Variants in HERC5 observed in about 807,000 individuals in gnomAD.
The protein encoded by HERC5 is E3 ISG15--protein ligase HERC5.
HERC5 carries 99 observed loss-of-function variants against 119.6 expected under a neutral mutation model. The ratio of observed to expected loss-of-function variants is 0.83; its 90% CI spans 0.70 to 0.98. The LOEUF is 0.98. HERC5 is among the 50% of genes least tolerant of loss of function. The probability of loss-of-function intolerance (pLI) is 0.00; values close to 1 mark genes in which losing one functional copy is unlikely to be tolerated. For synonymous variants in HERC5, 478 were observed against 445.9 expected (o/e 1.07, Z -0.91); for missense variants, 1,267 against 1,241.3 (o/e 1.02, Z -0.31).
At chr4:88,477,620 A>G (rs1439458266) in intron 12 of HERC5, among the ~76,000 whole-genome samples, 3 of 149,246 alleles carry the variant, frequency 2.0e-5, no homozygotes, top group African/African-American at 7.4e-5. Flanking sequence ...GAAGGAAGGA[A>G]TGAAGGAGGA....
At chr4:88,474,601 T>C (rs1740991935) in intron 11 of HERC5, among the ~76,000 whole-genome samples, 2 of 152,198 alleles carry the variant, frequency 1.3e-5, no homozygotes, top group Admixed American at 6.5e-5. Context: ...TAAAAATAGG[T>C]AATTATAACA....
At chr4:88,468,612 C>G (rs1578044841) in intron 8 of HERC5, among the ~76,000 whole-genome samples, 190 bp downstream of exon 8, 1 of 152,146 alleles carries the variant, frequency 6.6e-6, no homozygotes, top group Non-Finnish European at 1.5e-5. Flanking sequence ...GCAGATTTTT[C>G]TCTGGTGAAT....
In HERC5 at chr4:88,460,948, C is replaced by G. The variant is rs541405422; in HGVS notation, c.466+777C>G. On this transcript the variant is annotated intron_variant, in intron 3 of 22. Transcript: ENST00000264350. ...GAGGCTGCAGTGAGCCATGATCGTGCCACTGCACTACAGCCTGGGTAACTG... is the reference window on the plus strand; with the variant it reads ...GAGGCTGCAGTGAGCCATGATCGTGGCACTGCACTACAGCCTGGGTAACTG... 2.6e-5 allele frequency among the ~76,000 whole-genome samples: 4 copies of G among 152,206 alleles called. No homozygotes were observed. The South Asian group carries it at 8.3e-4, about 32-fold the overall frequency.
At chr4:88,468,802 G>A (rs1320685872) in intron 8 of HERC5, among the ~76,000 whole-genome samples, 1 of 152,166 alleles carries the variant, frequency 6.6e-6, no homozygotes, top group African/African-American at 2.4e-5. Flanking sequence ...TAACTTCCCT[G>A]CCCTACTTCA....
Position 88,486,241 on chromosome 4 carries a change from T to C in HERC5, c.1851+13T>C, listed in dbSNP as rs1316569514. On this transcript the variant is annotated intron_variant, in intron 14 of 22. Transcript: ENST00000264350. ...GAAAATGACTGTGGTAGGTATAGCATGTTTAAAGGGGGAAATTGATAATCA... is the reference window on the plus strand; with the variant it reads ...GAAAATGACTGTGGTAGGTATAGCACGTTTAAAGGGGGAAATTGATAATCA... The C allele has an allele frequency of 6.9e-7, 1 of 1,459,654 alleles. No homozygotes were observed. The highest frequency in any genetic ancestry group is 1.2e-5 in the South Asian group (1 of 83,312). The allele number at this position is 1,459,654 out of a possible 1,614,324, so 90.4% of individuals were successfully genotyped here. A position where few individuals can be genotyped will look rare whatever the true frequency, so the allele number is the denominator to read the frequency against.
chr4:88,460,113 A>C lies in HERC5; in HGVS notation c.408A>C (p.Gln136His), dbSNP rs750381278. ...MKHLRFESIL[Q>H]EKKIIQITCG... is the part of the protein sequence containing the mutation. Reference sequence around the variant, plus strand: ...TCATCAGGTTTGAAAGCATTTTACAAGAAAAAAAAATAATTCAGATCACAT... The same window carrying C: ...TCATCAGGTTTGAAAGCATTTTACACGAAAAAAAAATAATTCAGATCACAT... Residue 136 changes from glutamine (Q) to histidine (H), a missense_variant, in exon 3 of 23, where the codon CAA (glutamine) becomes CAC (histidine). Around this residue, in one of 3 missense-constraint regions of HERC5, gnomAD observed 777 missense variants for 758.0 expected, o/e 1.03. Transcript: ENST00000264350. The C allele has an allele frequency of 1.9e-6, 3 of 1,579,026 alleles. No homozygotes were observed. In the African/African-American group the frequency reaches 4.0e-5, roughly 21 times the overall value.
intron 1 of HERC5, 101 bp downstream of exon 1, chr4:88,457,635 G>T: frequency 8.7e-7 from 1 of 1,151,782 alleles, no homozygotes; most frequent in African/African-American, 1.6e-5. Context: ...AGGGAGGAGA[G>T]CCCAGAAGGC....
chr4:88,458,350 A>G (rs1421062802), intron 1 of HERC5, among the ~76,000 whole-genome samples: 1 of 148,172 alleles, frequency 6.7e-6, no homozygotes, highest in Admixed American at 6.7e-5. Flanking sequence ...AGCTATCCAC[A>G]CTCCCAGTGT....
rs576329796 is a variant in HERC5, at chr4:88,474,937, C to T, written c.1393-904C>T. On this transcript the variant is annotated intron_variant, in intron 11 of 22. Coordinates refer to ENST00000264350, the MANE Select transcript of HERC5 (RefSeq NM_016323.4). ...AAACAAATGATTACTGTGATCTAAG[C>T]ACACATAACAAAAATTCAGAATTCC... Among the ~76,000 whole-genome samples the T allele has an allele frequency of 9.2e-5, 14 of 152,242 alleles. No homozygotes were observed. In the East Asian group the frequency reaches 2.7e-3, roughly 29 times the overall value.
intron 13 of HERC5, among the ~76,000 whole-genome samples, chr4:88,480,189 C>A (rs77902409): frequency 6.6e-6 from 1 of 152,068 alleles, no homozygotes; most frequent in Admixed American, 6.6e-5. Context: ...TAATCATTCC[C>A]TTGCTCTTAC....
chr4:88,468,460 T>G (rs377751795), intron 8 of HERC5, 38 bp downstream of exon 8: 3 of 1,417,788 alleles, frequency 2.1e-6, no homozygotes, highest in South Asian at 2.5e-5. Flanking sequence ...AACCTGGTAT[T>G]TTAAGCAAAA....
Position 88,504,349 on chromosome 4 carries a change from C to T in HERC5, c.2700C>T (p.Phe900=). Residue 900 remains phenylalanine, a synonymous_variant, in exon 21 of 23, where the codon TTC becomes TTT. Coordinates refer to ENST00000264350, the MANE Select transcript of HERC5 (RefSeq NM_016323.4). ...KMCDEDIIKL[F]HPEELKDVIV... ...GCGACGAAGACATTATCAAATTATTCCACCCCGAAGAACTGAAGGATGTGA... is the reference window on the plus strand; with the variant it reads ...GCGACGAAGACATTATCAAATTATTTCACCCCGAAGAACTGAAGGATGTGA... The T allele has an allele frequency of 1.2e-6, 2 of 1,612,194 alleles. No individual in the cohort carries two copies. The highest frequency in any genetic ancestry group is 1.7e-6 in the Non-Finnish European group (2 of 1,178,714).
chr4:88,499,112 T>G (rs1741880111), intron 18 of HERC5, among the ~76,000 whole-genome samples: 1 of 152,220 alleles, frequency 6.6e-6, no homozygotes. Context: ...TGTGCTCTTT[T>G]AAGCCTATAC....
At chr4:88,504,181 T>C (rs1318753259) in intron 20 of HERC5, 51 bp from the exon 21 acceptor site, 2 of 1,232,806 alleles carry the variant, frequency 1.6e-6, no homozygotes, top group African/African-American at 3.0e-5. Flanking sequence ...CCCCTCACCA[T>C]TTTGTTCAGG....
intron 4 of HERC5, among the ~76,000 whole-genome samples, chr4:88,462,778 T>C (rs1349186616): frequency 6.6e-6 from 1 of 152,236 alleles, no homozygotes; most frequent in East Asian, 1.9e-4. Context: ...ACTAAAATTA[T>C]ATTTAAGAAC....
At chr4:88,502,789 T>C (rs1490758872) in intron 20 of HERC5, among the ~76,000 whole-genome samples, 1 of 152,206 alleles carries the variant, frequency 6.6e-6, no homozygotes, top group Non-Finnish European at 1.5e-5. Flanking sequence ...TTAAGCACTT[T>C]ATATGCTTAT....
At chr4:88,482,070 C>T (rs970534940) in intron 13 of HERC5, among the ~76,000 whole-genome samples, 4 of 151,840 alleles carry the variant, frequency 2.6e-5, no homozygotes, top group Admixed American at 6.6e-5. Context: ...GCACTTTGCT[C>T]GGAGGCTGAG....
chr4:88,464,076 G>A (rs1413543233), intron 6 of HERC5, 91 bp downstream of exon 6: 2 of 1,069,712 alleles, frequency 1.9e-6, no homozygotes, highest in Non-Finnish European at 2.6e-6. Context: ...TCTTTGAGAT[G>A]TATCAAACAT....
chr4:88,486,248 A>G lies in HERC5; in HGVS notation c.1851+20A>G. 7.1e-7 allele frequency: 1 copy of G among 1,411,432 alleles called. No individual in the cohort carries two copies. Among genetic ancestry groups the G allele is most frequent in the African/African-American group, 1.4e-5 (1 of 70,508 alleles). The allele number at this position is 1,411,432 out of a possible 1,614,324, so 87.4% of individuals were successfully genotyped here. ...ACTGTGGTAGGTATAGCATGTTTAAAGGGGGAAATTGATAATCAGTGAGTT... is the reference window on the plus strand; with the variant it reads ...ACTGTGGTAGGTATAGCATGTTTAAGGGGGGAAATTGATAATCAGTGAGTT... On this transcript the variant is annotated intron_variant, in intron 14 of 22. Coordinates refer to ENST00000264350, the MANE Select transcript of HERC5 (RefSeq NM_016323.4).
Sources: gnomAD v4.1 joint callset for allele counts (sites outside exome capture counted in the v4.1 genomes callset) on GRCh38, gnomAD v4.1.1 for gene constraint, gnomAD v4.1.1 regional missense constraint, MANE v1.5 for transcripts, NCBI Gene and HGNC (gene_info 2026-07-23, HGNC 2026-07-21) for gene names.